GASK1A: variants seen among roughly 807,000 people sequenced by gnomAD.
GASK1A encodes Golgi-associated kinase 1A.
A neutral mutation model predicts 41.2 loss-of-function variants in GASK1A; 40 were observed. The ratio of observed to expected loss-of-function variants is 0.97; its 90% CI spans 0.75 to 1.27. The LOEUF (loss-of-function observed/expected upper bound fraction) is 1.27, where lower values mean the gene tolerates loss of function less well. Ranked by LOEUF, GASK1A falls within the 50% of genes most tolerant of loss-of-function variation. GASK1A has a pLI of 0.00. For missense variants in GASK1A, 678 were observed against 745.1 expected (o/e 0.91, Z 1.05); for synonymous variants, 316 against 307.1 (o/e 1.03, Z -0.30).
Position 42,993,320 on chromosome 3 carries a change from A to G in GASK1A, c.3+13675A>G, listed in dbSNP as rs143123082. 8.2e-3 allele frequency among the ~76,000 whole-genome samples: 1,242 copies of G among 152,340 alleles called. 13 individuals carry two copies. The highest frequency in any genetic ancestry group is 0.054 in the Middle Eastern group (16 of 294). ...TTTGTCACCAAGAGAAGTCACAGAT[A>G]TTTTATGTAATGACAGTAGAAGCAG... is the stretch of plus-strand genomic sequence containing the variant. On this transcript the variant is annotated intron_variant, in intron 1 of 4. Coordinates refer to ENST00000430121, the MANE Select transcript of GASK1A (RefSeq NM_001129908.3).
intron 1 of GASK1A, among the ~76,000 whole-genome samples, chr3:43,022,477 T>C (rs1341360903): frequency 6.7e-6 from 1 of 148,440 alleles, no homozygotes; most frequent in Non-Finnish European, 1.5e-5. Flanking sequence ...ATTCAACACA[T>C]TTTTCATTGT....
intron 2 of GASK1A, among the ~76,000 whole-genome samples, chr3:43,045,826 C>T (rs1230159482): frequency 1.1e-4 from 17 of 152,200 alleles, no homozygotes; most frequent in Non-Finnish European, 1.5e-5. Context: ...AGTGAGTTCT[C>T]ATGAGATCTG....
chr3:43,045,027 G>GGGGT (rs1427380085), intron 2 of GASK1A, among the ~76,000 whole-genome samples: 6 of 152,178 alleles, frequency 3.9e-5, no homozygotes, highest in Non-Finnish European at 7.3e-5. Flanking sequence ...TGAGGATGTG[G>GGGGT]GGGTAAACAG....
At position 43,056,414 on chromosome 3, in the gene GASK1A, A is replaced by G; in HGVS notation, c.*28A>G. ...CGCACACAGCCCTGAGTCAATGAGCATCCATCCTGATGGCCACATTTTCTT... is the reference window on the plus strand; with the variant it reads ...CGCACACAGCCCTGAGTCAATGAGCGTCCATCCTGATGGCCACATTTTCTT... On this transcript the variant is annotated 3_prime_UTR_variant, in exon 5 of 5. Coordinates refer to ENST00000430121, the MANE Select transcript of GASK1A (RefSeq NM_001129908.3). 6.8e-7 allele frequency: 1 copy of G among 1,481,116 alleles called. No homozygotes were observed. The highest frequency in any genetic ancestry group is 9.0e-7 in the Non-Finnish European group (1 of 1,107,592). 91.7% of individuals were successfully genotyped at this position (1,481,116 alleles called of 1,614,324 possible).
At chr3:42,993,427 A>G (rs1176970606) in intron 1 of GASK1A, among the ~76,000 whole-genome samples, 1 of 152,220 alleles carries the variant, frequency 6.6e-6, no homozygotes, top group Non-Finnish European at 1.5e-5. Flanking sequence ...TTGGTTTTTA[A>G]TGTGTTAATA....
chr3:42,979,865 A>G (rs2089273861), intron 1 of GASK1A, among the ~76,000 whole-genome samples: 1 of 152,100 alleles, frequency 6.6e-6, no homozygotes, highest in African/African-American at 2.4e-5. Context: ...GCGGACCGTA[A>G]TAAGGGGGCT....
At chr3:43,024,968 C>T (rs2089539943) in intron 1 of GASK1A, among the ~76,000 whole-genome samples, 1 of 152,020 alleles carries the variant, frequency 6.6e-6, no homozygotes, top group Non-Finnish European at 1.5e-5. Flanking sequence ...TAAGCTGAGA[C>T]CTGAGCAATG....
chr3:43,031,036 C>T (rs910262102), intron 1 of GASK1A, among the ~76,000 whole-genome samples: 9 of 152,292 alleles, frequency 5.9e-5, no homozygotes, highest in South Asian at 4.1e-4. Flanking sequence ...TCTGTTTACC[C>T]GTGTGCCTTT....
At chr3:43,055,230 G>A (rs1320296794) in intron 3 of GASK1A, among the ~76,000 whole-genome samples, 1 of 152,206 alleles carries the variant, frequency 6.6e-6, no homozygotes, top group Non-Finnish European at 1.5e-5. Context: ...GTTACTGGGA[G>A]AATTAATTGA....
intron 1 of GASK1A, among the ~76,000 whole-genome samples, chr3:42,988,598 C>A (rs1209910036): frequency 1.3e-5 from 2 of 152,226 alleles, no homozygotes; most frequent in Non-Finnish European, 2.9e-5. Flanking sequence ...CTGTGGAGAA[C>A]CTTCACGTCT....
rs920175105 is a variant in GASK1A at position 43,056,364 on chromosome 3, T to A, written c.1706T>A (p.Leu569His). 1 of 1,548,826 alleles carries A rather than the reference T, an allele frequency of 6.5e-7. No homozygotes were observed. Among genetic ancestry groups the A allele is most frequent in the Non-Finnish European group, 8.7e-7 (1 of 1,145,886 alleles). ...CACATCCAAAAGCACAACCTCACAC[T>A]CTTCAGGGACGAGGACCCATAAGCC... is the stretch of plus-strand genomic sequence containing the variant. ...LGHIQKHNLTLFRDEDP is the reference protein window; with the variant it reads ...LGHIQKHNLTHFRDEDP Residue 569 changes from leucine (L) to histidine (H), a missense_variant, in exon 5 of 5, where the codon CTC becomes CAC. By Grantham distance (99) the Leu-to-His change is moderately conservative. Coordinates refer to ENST00000430121, the MANE Select transcript of GASK1A (RefSeq NM_001129908.3).
At chr3:43,031,902 A>G (rs933961715) in intron 1 of GASK1A, among the ~76,000 whole-genome samples, 2 of 152,200 alleles carry the variant, frequency 1.3e-5, no homozygotes, top group Non-Finnish European at 2.9e-5. Flanking sequence ...TCACATGGAG[A>G]CAAAAAGAGA....
intron 1 of GASK1A, among the ~76,000 whole-genome samples, chr3:43,009,749 G>A (rs1261085309): frequency 2.0e-5 from 3 of 152,024 alleles, no homozygotes; most frequent in African/African-American, 7.2e-5. Context: ...GAGACCTCAG[G>A]TGGTGGCACC....
At chr3:43,022,001 G>T (rs2089524836) in intron 1 of GASK1A, among the ~76,000 whole-genome samples, 1 of 152,160 alleles carries the variant, frequency 6.6e-6, no homozygotes, top group African/African-American at 2.4e-5. Flanking sequence ...TTTCCCTCCT[G>T]CCATGAACAT....
At chr3:43,021,765 C>G (rs1227944518) in intron 1 of GASK1A, among the ~76,000 whole-genome samples, 2 of 152,210 alleles carry the variant, frequency 1.3e-5, no homozygotes, top group African/African-American at 2.4e-5. Context: ...AGAAGCAGAA[C>G]TCAGAGGTGT....
intron 1 of GASK1A, among the ~76,000 whole-genome samples, chr3:43,011,150 G>A (rs893045181): frequency 2.6e-5 from 4 of 152,206 alleles, no homozygotes; most frequent in African/African-American, 7.2e-5. Flanking sequence ...TTGGGAGGCC[G>A]AGGTGGGCAG....
At chr3:43,033,916 C>T (rs1316488265) in intron 2 of GASK1A, among the ~76,000 whole-genome samples, 1 of 152,198 alleles carries the variant, frequency 6.6e-6, no homozygotes, top group Non-Finnish European at 1.5e-5. Context: ...TGTGCTTTTG[C>T]AGCTTCGTGA....
At chr3:43,045,212 G>A (rs2089656392) in intron 2 of GASK1A, among the ~76,000 whole-genome samples, 1 of 152,180 alleles carries the variant, frequency 6.6e-6, no homozygotes, top group Admixed American at 6.5e-5. Flanking sequence ...AGAGGCTACA[G>A]GGGTTTTATG....
At chr3:43,041,386 G>A (rs958493939) in intron 2 of GASK1A, among the ~76,000 whole-genome samples, 1 of 152,134 alleles carries the variant, frequency 6.6e-6, no homozygotes, top group African/African-American at 2.4e-5. Context: ...TCCAGCACCC[G>A]TTGTTTCCTG....
Sources: allele counts gnomAD v4.1 joint callset (sites outside exome capture counted in the v4.1 genomes callset), GRCh38; gene constraint gnomAD v4.1.1; transcripts MANE v1.5; gene names NCBI Gene and HGNC (gene_info 2026-07-23, HGNC 2026-07-21).